PRR5: variants seen among roughly 807,000 people sequenced by gnomAD.
The protein encoded by PRR5 is proline-rich protein 5.
Under a neutral mutation model 30.6 loss-of-function variants are expected in PRR5, and 25 were observed. The ratio of observed to expected loss-of-function variants is 0.82; its 90% CI spans 0.60 to 1.14. The LOEUF (loss-of-function observed/expected upper bound fraction) is 1.14. Ranked by LOEUF, PRR5 falls within the 50% of genes most tolerant of loss-of-function variation. PRR5 has a pLI of 0.00. For missense variants in PRR5, 600 were observed against 547.1 expected (o/e 1.10, Z -0.96); for synonymous variants, 286 against 247.1 (o/e 1.16, Z -1.48).
chr22:44,700,242 T>A (rs775309803), upstream of PRR5, among the ~76,000 whole-genome samples: 4 of 152,068 alleles, frequency 2.6e-5, no homozygotes, highest in Non-Finnish European at 5.9e-5. Context: ...GGTGGGAGGA[T>A]CACCTGAGGT....
Position 44,736,901 on chromosome 22 carries a change from G to T in PRR5, c.821G>T (p.Gly274Val). Residue 274 changes from glycine (G) to valine (V), a missense_variant, in exon 8 of 8, where the codon GGC becomes GTC. By Grantham distance (109) the Gly-to-Val change is moderately radical. Coordinates refer to ENST00000336985, the MANE Select transcript of PRR5 (RefSeq NM_181333.4). ...CACGAGGCGGAGGGCGCGGCGGCCGGCGGTACCAGCATCCGCAGGCACTCT... is the reference window on the plus strand; with the variant it reads ...CACGAGGCGGAGGGCGCGGCGGCCGTCGGTACCAGCATCCGCAGGCACTCT... ...QEHEAEGAAA[G>V]GTSIRRHSVS... The T allele has an allele frequency of 6.2e-7, 1 of 1,608,720 alleles. No homozygotes were observed.
chr22:44,733,605 C>T, intron 6 of PRR5, among the ~76,000 whole-genome samples: 1 of 152,162 alleles, frequency 6.6e-6, no homozygotes, highest in Admixed American at 6.5e-5. Flanking sequence ...AGGGACTTTG[C>T]TGTGTCAGCT....
intron 2 of PRR5, among the ~76,000 whole-genome samples, chr22:44,720,805 G>A (rs1318924440): frequency 2.0e-5 from 3 of 152,208 alleles, no homozygotes; most frequent in Non-Finnish European, 4.4e-5. Context: ...CCTGCCCAGA[G>A]AAGGAGTGCG....
intron 1 of PRR5, among the ~76,000 whole-genome samples, chr22:44,669,403 G>A (rs1478207980): frequency 2.1e-4 from 32 of 152,308 alleles, no homozygotes; most frequent in Non-Finnish European, 4.4e-5. Context: ...CAGAGTGGGT[G>A]GGGGCAGGTG....
At chr22:44,668,825 C>T (rs1282384451) in intron 1 of PRR5, 1 of 149,302 alleles carries the variant, frequency 6.7e-6, no homozygotes, top group Non-Finnish European at 1.5e-5. Flanking sequence ...GGCTACGGGT[C>T]CGGAGGCCCG....
chr22:44,698,106 A>C (rs73173603), upstream of PRR5, among the ~76,000 whole-genome samples: 10,316 of 152,238 alleles, frequency 0.068, 853 homozygotes, highest in African/African-American at 0.19. Context: ...TAGGGATTGC[A>C]GGCCCTTCAG....
chr22:44,696,810 C>T (rs1315899974), intron 1 of PRR5, among the ~76,000 whole-genome samples: 2 of 152,128 alleles, frequency 1.3e-5, no homozygotes, highest in East Asian at 3.8e-4. Flanking sequence ...GATCTTGGCT[C>T]ACTGTAAACT....
At chr22:44,679,768 G>A in intron 1 of PRR5, 1 of 1,562,260 alleles carries the variant, frequency 6.4e-7, no homozygotes, top group South Asian at 1.2e-5. Context: ...CACTCAGTCT[G>A]ATGGGGCAGG....
chr22:44,725,224 G>A lies in PRR5; in HGVS notation c.216-20G>A, dbSNP rs1930499016. On this transcript the variant is annotated intron_variant, in intron 2 of 7. Coordinates refer to ENST00000336985, the MANE Select transcript of PRR5 (RefSeq NM_181333.4). ...GCCGTGTGGTCTGGGACTCACTCTT[G>A]TCTCACCTCCCACCCACAGGCAGCT... The A allele has an allele frequency of 1.2e-6, 2 of 1,613,664 alleles. No homozygotes were observed. Among genetic ancestry groups the A allele is most frequent in the Non-Finnish European group, 8.5e-7 (1 of 1,179,916 alleles).
rs1928785014 is a variant in PRR5 at position 44,714,703 on chromosome 22, C to T, written c.215+32C>T. The stretch of plus-strand genomic sequence containing the variant: ...GCCTGTCCCACCTTGGTCCAGGGTC[C>T]TTGAGTGGCAGGGAGGGCTAGGCCC... On this transcript the variant is annotated intron_variant, in intron 2 of 7. Transcript: ENST00000336985. 5.6e-6 allele frequency: 9 copies of T among 1,612,274 alleles called. No individual in the cohort carries two copies. The East Asian group carries it at 1.8e-4, about 32-fold the overall frequency.
At chr22:44,678,324 CTTTT>C (rs113676116) in intron 1 of PRR5, among the ~76,000 whole-genome samples, 1 of 130,652 alleles carries the variant, frequency 7.7e-6, no homozygotes, top group Admixed American at 8.2e-5. Flanking sequence ...TCTGCTGGCT[CTTTT>C]TTTTTTTTTT....
chr22:44,708,876 A>G (rs886371875), intron 1 of PRR5, among the ~76,000 whole-genome samples: 2 of 148,006 alleles, frequency 1.4e-5, no homozygotes, highest in Admixed American at 1.4e-4. Flanking sequence ...CTGAGGCAGG[A>G]GAATCACTTG....
chr22:44,722,037 G>A (rs546437654), intron 2 of PRR5, among the ~76,000 whole-genome samples: 16 of 152,324 alleles, frequency 1.1e-4, no homozygotes, highest in African/African-American at 3.4e-4. Context: ...GACAGGTCAC[G>A]GGGACAGTGG....
rs570181911 is a variant in PRR5 at position 44,684,406 on chromosome 22, C to T, written c.-11+7166C>T. Among the ~76,000 whole-genome samples the T allele has an allele frequency of 3.5e-3, 527 of 152,212 alleles. 5 individuals carry two copies. Among genetic ancestry groups the T allele is most frequent in the African/African-American group, 0.012 (503 of 41,530 alleles). On this transcript the variant is annotated intron_variant, in intron 1 of 8. Transcript: ENST00000006251. ...AAAAAAAATACAAAAATTAGCTGGG[C>T]GTGGTGGCGGCAGCTGAGTAGTTCC...
chr22:44,725,949 G>A (rs1020012565), intron 3 of PRR5, among the ~76,000 whole-genome samples: 6 of 152,234 alleles, frequency 3.9e-5, no homozygotes, highest in Non-Finnish European at 8.8e-5. Context: ...ACAGGCGTGA[G>A]CCACCGCGCC....
Position 44,714,583 on chromosome 22 carries a change from GC to G in PRR5, c.135-3del. Reference sequence around the variant, plus strand: ...AGGACTGCAGTGTTTTCTTCCCTCTGCCCCCAGCATCCACAACGGGGTGATC... The same window carrying G: ...AGGACTGCAGTGTTTTCTTCCCTCTGCCCCAGCATCCACAACGGGGTGATC... On this transcript the variant is annotated splice_polypyrimidine_tract_variant and splice_region_variant and intron_variant, in intron 1 of 7. Coordinates refer to ENST00000336985, the MANE Select transcript of PRR5 (RefSeq NM_181333.4). The G allele has an allele frequency of 6.2e-7, 1 of 1,612,558 alleles. No individual in the cohort carries two copies. Among genetic ancestry groups the G allele is most frequent in the Non-Finnish European group, 8.5e-7 (1 of 1,179,942 alleles).
intron 2 of PRR5, among the ~76,000 whole-genome samples, chr22:44,724,207 G>A (rs746365381): frequency 7.9e-5 from 12 of 151,810 alleles, no homozygotes; most frequent in Non-Finnish European, 1.3e-4. Context: ...AGGCCAAGGC[G>A]GGTGGATCAC....
chr22:44,713,553 G>T (rs138343038), intron 1 of PRR5, among the ~76,000 whole-genome samples: 298 of 152,148 alleles, frequency 2.0e-3, no homozygotes, highest in African/African-American at 6.9e-3. Context: ...TTTTGTAGAG[G>T]CAGGGTCTCA....
upstream of PRR5, among the ~76,000 whole-genome samples, chr22:44,672,808 G>A (rs554833494): frequency 5.3e-5 from 8 of 152,306 alleles, no homozygotes; most frequent in South Asian, 1.0e-3. Flanking sequence ...CGAGGTGGGC[G>A]TGGCCCTGCC....
Sources: allele counts gnomAD v4.1 joint callset (sites outside exome capture counted in the v4.1 genomes callset), GRCh38; gene constraint gnomAD v4.1.1; transcripts MANE v1.5; gene names NCBI Gene and HGNC (gene_info 2026-07-23, HGNC 2026-07-21).